Variants in NDST1 observed in about 807,000 individuals in gnomAD.
The protein encoded by NDST1 is bifunctional heparan sulfate N-deacetylase/N-sulfotransferase 1.
NDST1 carries 35 observed loss-of-function variants against 92.8 expected under a neutral mutation model. The observed-to-expected ratio is 0.38, with a 90% CI of 0.29 to 0.50. The LOEUF (loss-of-function observed/expected upper bound fraction) is 0.50, where lower values mean the gene tolerates loss of function less well. Among genes scored for constraint, NDST1 ranks in the 20% least tolerant of loss-of-function variants. The pLI, the probability that NDST1 is intolerant of heterozygous loss-of-function variation, is 0.94. For synonymous variants in NDST1, 493 were observed against 500.3 expected, an observed-to-expected ratio of 0.99 and a Z score of 0.19; for missense variants, 822 against 1,182.7, an observed-to-expected ratio of 0.69 and a Z score of 4.47.
upstream of NDST1, among the ~76,000 whole-genome samples, chr5:150,505,733 A>G (rs771244352): frequency 5.9e-5 from 9 of 152,220 alleles, no homozygotes; most frequent in South Asian, 2.1e-4. Flanking sequence ...AGGAGGGTCT[A>G]TGGAATCATA....
chr5:150,532,691 T>G (rs911016532), intron 3 of NDST1, among the ~76,000 whole-genome samples: 3 of 152,124 alleles, frequency 2.0e-5, no homozygotes, highest in Non-Finnish European at 4.4e-5. Flanking sequence ...CATGCCCGGC[T>G]AATTTTTGTA....
At chr5:150,539,412 C>T in intron 7 of NDST1, 56 bp downstream of exon 7, 1 of 1,611,994 alleles carries the variant, frequency 6.2e-7, no homozygotes, top group South Asian at 1.1e-5. Flanking sequence ...CACAGCCTGT[C>T]TGCAGCTGAC....
upstream of NDST1, among the ~76,000 whole-genome samples, chr5:150,503,840 C>T (rs1753334467): frequency 6.6e-6 from 1 of 152,148 alleles, no homozygotes; most frequent in Non-Finnish European, 1.5e-5. Context: ...TCCTATAGGA[C>T]CCCTTGTCTC....
At chr5:150,511,648 A>G (rs1360778908) in intron 1 of NDST1, among the ~76,000 whole-genome samples, 3 of 151,904 alleles carry the variant, frequency 2.0e-5, no homozygotes, top group Admixed American at 1.3e-4. Flanking sequence ...CAGACCTCCA[A>G]CAGTCTCTTT....
chr5:150,523,496 G>A (rs1417515835), intron 2 of NDST1, among the ~76,000 whole-genome samples: 1 of 152,234 alleles, frequency 6.6e-6, no homozygotes, highest in Non-Finnish European at 1.5e-5. Context: ...AGGAAACTGA[G>A]GCAAAGGAGG....
Position 150,551,409 on chromosome 5 carries a change from G to A in NDST1, c.2427-344G>A, listed in dbSNP as rs192827599. Among the ~76,000 whole-genome samples, 6 of 152,008 alleles carry A rather than the reference G, an allele frequency of 3.9e-5. No individual in the cohort carries two copies. In the South Asian group the frequency reaches 8.3e-4, roughly 21 times the overall value. ...GCTTCTTGGGTTTAAAAAAAAAAAA[G>A]AGTTACTCAGCATTGAGAATGCTCA... On this transcript the variant is annotated intron_variant, in intron 13 of 14. Coordinates refer to ENST00000261797, the MANE Select transcript of NDST1 (RefSeq NM_001543.5).
At chr5:150,547,781 G>A (rs571550927) in intron 11 of NDST1, among the ~76,000 whole-genome samples, 2 of 152,272 alleles carry the variant, frequency 1.3e-5, no homozygotes, top group African/African-American at 2.4e-5. Flanking sequence ...CACCCCCCGA[G>A]TTTAAGCGAT....
chr5:150,527,352 A>G (rs1344521344), intron 2 of NDST1, among the ~76,000 whole-genome samples: 2 of 152,168 alleles, frequency 1.3e-5, no homozygotes, highest in African/African-American at 2.4e-5. Flanking sequence ...ATCATCCTCT[A>G]CCACTCCTGG....
chr5:150,502,653 A>G (rs751765014), intron 1 of NDST1, among the ~76,000 whole-genome samples: 3 of 152,116 alleles, frequency 2.0e-5, no homozygotes, highest in Non-Finnish European at 2.9e-5. Flanking sequence ...TGGTCCCTTC[A>G]TGTCCTTTTC....
chr5:150,515,903 G>A (rs1269738391), intron 1 of NDST1, among the ~76,000 whole-genome samples: 1 of 152,266 alleles, frequency 6.6e-6, no homozygotes, highest in East Asian at 1.9e-4. Flanking sequence ...TGTGCTGGAA[G>A]CCCCCTTTGC....
At chr5:150,506,607 A>G (rs564385163), upstream of NDST1, among the ~76,000 whole-genome samples, 334 of 152,242 alleles carry the variant, frequency 2.2e-3, 2 homozygotes, top group East Asian at 1.4e-3. Flanking sequence ...TAGGTCACCC[A>G]GTGCTTTTTG....
chr5:150,521,411 G>A lies in NDST1; in HGVS notation c.157G>A (p.Glu53Lys), dbSNP rs1281627289. ...CCTGGAGCCCTCGGCGGATGCCCCCGAGCCTGACTGCGGGGACCCGCCGCC... is the reference window on the plus strand; with the variant it reads ...CCTGGAGCCCTCGGCGGATGCCCCCAAGCCTGACTGCGGGGACCCGCCGCC... ...RGLEPSADAP[E>K]PDCGDPPPVA... Residue 53 changes from glutamate to lysine, a missense_variant, in exon 2 of 15, where the codon GAG (glutamate) becomes AAG (lysine). Coordinates refer to ENST00000261797, the MANE Select transcript of NDST1 (RefSeq NM_001543.5). This position sits in a 1 kb window ranked among gnomAD's most constrained non-coding sequence, Gnocchi z 5.9. The A allele has an allele frequency of 2.5e-5, 40 of 1,612,950 alleles. No individual in the cohort carries two copies. Among genetic ancestry groups the A allele is most frequent in the Middle Eastern group, 3.3e-4 (2 of 6,062 alleles).
Position 150,521,845 on chromosome 5 carries a change from G to A in NDST1, c.513+78G>A, listed in dbSNP as rs143489931. ...TGCCTGAATTCTCATTTGTGAAATA[G>A]GTGTAATGGTAGCACCCGCCTCCTG... On this transcript the variant is annotated intron_variant, in intron 2 of 14. Transcript: ENST00000261797. This position sits in a 1 kb window ranked among gnomAD's most constrained non-coding sequence, Gnocchi z 5.9. 788 of 1,581,890 alleles carry A rather than the reference G, an allele frequency of 5.0e-4. 4 individuals are homozygous for A. The African/African-American group carries it at 9.5e-3, about 19-fold the overall frequency.
rs1408836834 is a variant in NDST1 at position 150,517,554 on chromosome 5, C to G, written c.-387-3314C>G. ...GTAGTATGCATTCTGTGGGTTTGGA[C>G]AAATGTATAATGACATGTATCTACC... is the stretch of plus-strand genomic sequence containing the variant. On this transcript the variant is annotated intron_variant, in intron 1 of 14. Transcript: ENST00000261797. Among the ~76,000 whole-genome samples, 3 of 152,172 alleles carry G rather than the reference C, an allele frequency of 2.0e-5. No homozygotes were observed. The East Asian group carries it at 5.8e-4, about 29-fold the overall frequency.
intron 11 of NDST1, 117 bp downstream of exon 11, chr5:150,545,603 G>A: frequency 7.5e-7 from 1 of 1,338,048 alleles, no homozygotes; most frequent in Non-Finnish European, 1.0e-6. Flanking sequence ...CCAGCCCTGA[G>A]CCAGGCGCCT....
chr5:150,540,833 C>G (rs1477598324), intron 8 of NDST1, among the ~76,000 whole-genome samples: 2 of 152,110 alleles, frequency 1.3e-5, no homozygotes, highest in African/African-American at 4.8e-5. Flanking sequence ...AAAACAACTC[C>G]AAGTGAACAC....
chr5:150,501,879 G>C (rs1230757042), intron 1 of NDST1, among the ~76,000 whole-genome samples: 1 of 152,214 alleles, frequency 6.6e-6, no homozygotes, highest in Non-Finnish European at 1.5e-5. Flanking sequence ...AGGTGGTCAG[G>C]ATGGTCCCTG....
intron 3 of NDST1, among the ~76,000 whole-genome samples, chr5:150,529,570 C>T (rs548431566): frequency 3.9e-5 from 6 of 152,158 alleles, no homozygotes; most frequent in Admixed American, 6.5e-5. Context: ...TAAACTTATT[C>T]GCAAAGGAGA....
intron 12 of NDST1, among the ~76,000 whole-genome samples, chr5:150,549,044 C>A (rs1181350276): frequency 6.6e-6 from 1 of 152,196 alleles, no homozygotes; most frequent in African/African-American, 2.4e-5. Context: ...CGGAGTCTCG[C>A]TCTGTCTCCC....
Sources: gnomAD v4.1 joint callset for allele counts (sites outside exome capture counted in the v4.1 genomes callset) on GRCh38, gnomAD v4.1.1 for gene constraint, Gnocchi (gnomAD v3.1) non-coding constraint, MANE v1.5 for transcripts, NCBI Gene and HGNC (gene_info 2026-07-23, HGNC 2026-07-21) for gene names.